GSG1L: variants seen among roughly 807,000 people sequenced by gnomAD.
The protein encoded by GSG1L is germ cell-specific gene 1-like protein.
A neutral mutation model predicts 42.1 loss-of-function variants in GSG1L; 24 were observed. The ratio of observed to expected loss-of-function variants is 0.57; its 90% CI spans 0.41 to 0.80. The LOEUF is 0.80. GSG1L is among the 30% of genes least tolerant of loss of function. The pLI is 0.00. For missense variants in GSG1L, 445 were observed against 472.2 expected, an observed-to-expected ratio of 0.94 and a Z score of 0.53; for synonymous variants, 215 against 203.5, an observed-to-expected ratio of 1.06 and a Z score of -0.48.
chr16:28,046,211 T>G (rs1030502923), intron 1 of GSG1L, among the ~76,000 whole-genome samples: 1 of 151,936 alleles, frequency 6.6e-6, no homozygotes, highest in Non-Finnish European at 1.5e-5. Flanking sequence ...CTCAGGATAT[T>G]GAGGGGAAAG....
intron 1 of GSG1L, among the ~76,000 whole-genome samples, chr16:28,022,913 G>A (rs995482849): frequency 3.3e-5 from 5 of 151,676 alleles, no homozygotes; most frequent in African/African-American, 4.8e-5. Context: ...CTCATGATCC[G>A]CCTGCCTCAG....
chr16:27,956,493 C>G (rs1471745908), intron 2 of GSG1L, among the ~76,000 whole-genome samples: 1 of 152,222 alleles, frequency 6.6e-6, no homozygotes, highest in Non-Finnish European at 1.5e-5. Flanking sequence ...AACATTCACT[C>G]CAAACACCCC....
intron 1 of GSG1L, among the ~76,000 whole-genome samples, chr16:28,062,498 G>T (rs1007016861): frequency 6.6e-6 from 1 of 152,194 alleles, no homozygotes; most frequent in Admixed American, 6.5e-5. Flanking sequence ...GCCTCTGGGC[G>T]GGTGCGGCTT....
At chr16:27,830,469 C>T (rs919214505) in intron 4 of GSG1L, among the ~76,000 whole-genome samples, 3 of 150,298 alleles carry the variant, frequency 2.0e-5, no homozygotes, top group African/African-American at 7.4e-5. Context: ...GAGGACTCTG[C>T]CTTTCTCAAA....
At chr16:27,807,419 C>G in intron 6 of GSG1L, 68 bp downstream of exon 6, 4 of 1,358,128 alleles carry the variant, frequency 2.9e-6, no homozygotes, top group Non-Finnish European at 4.2e-6. Context: ...GACTCTTCTC[C>G]AGGGATTCTT....
At chr16:27,888,564 TTTCTTTCTTTC>T (rs2084082537) in intron 2 of GSG1L, among the ~76,000 whole-genome samples, 1 of 129,064 alleles carries the variant, frequency 7.7e-6, no homozygotes, top group African/African-American at 3.0e-5. Flanking sequence ...TCTTTCTTTC[TTTCTTTCTTTC>T]TTTCTTTCTC....
intron 5 of GSG1L, chr16:27,823,875 T>C (rs1324727062): frequency 7.1e-6 from 5 of 702,876 alleles, no homozygotes; most frequent in Non-Finnish European, 1.3e-5. Context: ...CTGTGTGACC[T>C]GGGGCAAGTC....
At chr16:27,809,788 C>G (rs1597465058) in intron 5 of GSG1L, among the ~76,000 whole-genome samples, 1 of 152,162 alleles carries the variant, frequency 6.6e-6, no homozygotes, top group Admixed American at 6.5e-5. Flanking sequence ...CCCCTTTTCC[C>G]CACCCTCCCT....
chr16:27,970,334 G>A (rs945909791), intron 1 of GSG1L, among the ~76,000 whole-genome samples: 1 of 152,036 alleles, frequency 6.6e-6, no homozygotes, highest in East Asian at 2.0e-4. Context: ...CACTTTGGGA[G>A]GCCGAGGCAG....
intron 6 of GSG1L, among the ~76,000 whole-genome samples, chr16:27,796,911 C>A (rs112230144): frequency 6.6e-6 from 1 of 152,086 alleles, no homozygotes; most frequent in Admixed American, 6.5e-5. Context: ...GGTTTACAGA[C>A]GTGAGTGAGA....
At chr16:27,911,274 T>TCTCTCTCTCTCTCG in intron 2 of GSG1L, among the ~76,000 whole-genome samples, 1 of 132,250 alleles carries the variant, frequency 7.6e-6, no homozygotes, top group Non-Finnish European at 1.7e-5. Context: ...TCGCTCTCTC[T>TCTCTCTCTCTCTCG]CTCTCTCTCT....
chr16:28,041,097 C>A (rs1276633936), intron 1 of GSG1L, among the ~76,000 whole-genome samples: 1 of 152,108 alleles, frequency 6.6e-6, no homozygotes, highest in Non-Finnish European at 1.5e-5. Flanking sequence ...TGGAAGAATT[C>A]CTCGCAGGAC....
At chr16:27,899,080 GAGGAGGCTGGCATGGGAGGCCAGGAA>G (rs1235755363) in intron 2 of GSG1L, among the ~76,000 whole-genome samples, 2 of 152,234 alleles carry the variant, frequency 1.3e-5, no homozygotes, top group African/African-American at 2.4e-5. Flanking sequence ...AAGGCTCGGG[GAGGAGGCTGGCATGGGAGGCCAGGAA>G]AGGCCCTCCA....
intron 2 of GSG1L, among the ~76,000 whole-genome samples, chr16:27,896,983 C>T (rs2084199523): frequency 6.6e-6 from 1 of 152,204 alleles, no homozygotes; most frequent in Admixed American, 6.5e-5. Flanking sequence ...CCTGCCTTAG[C>T]CTCCCGAGTA....
chr16:27,928,754 C>A (rs2084624794), intron 2 of GSG1L, among the ~76,000 whole-genome samples: 2 of 152,202 alleles, frequency 1.3e-5, no homozygotes. Context: ...TCAGAAGCCA[C>A]ACTCCCTTGA....
chr16:27,823,860 A>T, intron 5 of GSG1L: 1 of 702,952 alleles, frequency 1.4e-6, no homozygotes, highest in South Asian at 1.5e-5. Flanking sequence ...TCTGGCACTT[A>T]CCAGCTGTGT....
chr16:27,948,571 A>G (rs1054791216), intron 2 of GSG1L, among the ~76,000 whole-genome samples: 1 of 138,728 alleles, frequency 7.2e-6, no homozygotes, highest in African/African-American at 2.7e-5. Context: ...ACGTGATTCC[A>G]CCATGTTGGC....
chr16:27,856,784 G>A (rs1318410272), intron 3 of GSG1L, among the ~76,000 whole-genome samples: 1 of 152,182 alleles, frequency 6.6e-6, no homozygotes, highest in Non-Finnish European at 1.5e-5. Flanking sequence ...ATTGTACCTT[G>A]GGCATCGGAT....
intron 2 of GSG1L, among the ~76,000 whole-genome samples, chr16:27,895,177 T>C (rs139784915): frequency 6.6e-6 from 1 of 152,190 alleles, no homozygotes; most frequent in African/African-American, 2.4e-5. Flanking sequence ...TCTGAATTCA[T>C]TATCAACATT....
Sources: allele counts gnomAD v4.1 joint callset (sites outside exome capture counted in the v4.1 genomes callset), GRCh38; gene constraint gnomAD v4.1.1; transcripts MANE v1.5; gene names NCBI Gene and HGNC (gene_info 2026-07-23, HGNC 2026-07-21).